The following PLXNA2 variants were observed in gnomAD, a reference collection of about 807,000 sequenced individuals.
The protein encoded by PLXNA2 is plexin-A2.
PLXNA2 carries 91 observed loss-of-function variants against 193.5 expected under a neutral mutation model. The observed-to-expected ratio is 0.47, with a 90% CI of 0.40 to 0.56. The LOEUF (loss-of-function observed/expected upper bound fraction) is 0.56, where lower values mean the gene tolerates loss of function less well. PLXNA2 is among the 20% of genes least tolerant of loss of function. The pLI is 0.00. For missense variants in PLXNA2, 1,995 were observed against 2,503.2 expected (o/e 0.80, Z 4.33); for synonymous variants, 997 against 1,027.3 (o/e 0.97, Z 0.56).
chr1:208,162,488 G>T (rs1669162228), intron 3 of PLXNA2, among the ~76,000 whole-genome samples: 1 of 152,192 alleles, frequency 6.6e-6, no homozygotes, highest in African/African-American at 2.4e-5. Context: ...GAGCCCTGAG[G>T]TCCTTTCTAG....
chr1:208,191,319 C>T (rs1243592547), intron 3 of PLXNA2, among the ~76,000 whole-genome samples: 2 of 152,202 alleles, frequency 1.3e-5, no homozygotes, highest in Admixed American at 1.3e-4. Context: ...TTTCTTCCCC[C>T]TCCCCACTTT....
intron 3 of PLXNA2, among the ~76,000 whole-genome samples, chr1:208,199,929 T>A (rs1401461664): frequency 3.3e-5 from 5 of 152,202 alleles, no homozygotes; most frequent in Admixed American, 3.3e-4. Context: ...AGCTACTAAA[T>A]CTATGATACA....
chr1:208,046,924 T>C (rs914671710), intron 17 of PLXNA2, among the ~76,000 whole-genome samples: 6 of 151,884 alleles, frequency 4.0e-5, no homozygotes, highest in African/African-American at 9.7e-5. Flanking sequence ...GATTGAATAC[T>C]GATGAAAAAT....
chr1:208,029,870 T>C (rs2102297389), intron 29 of PLXNA2: 1 of 985,752 alleles, frequency 1.0e-6, no homozygotes, highest in African/African-American at 1.7e-5. Context: ...TTTCCAGCTT[T>C]GCCTTCTCTT....
chr1:208,237,590 G>A (rs538762489), intron 1 of PLXNA2, among the ~76,000 whole-genome samples: 17 of 152,270 alleles, frequency 1.1e-4, no homozygotes, highest in South Asian at 4.2e-4. Context: ...GGGTAGGTAC[G>A]GGTAGCTGTG....
At chr1:208,040,368 T>C in intron 22 of PLXNA2, 1 of 373,240 alleles carries the variant, frequency 2.7e-6, no homozygotes, top group Non-Finnish European at 4.9e-6. Context: ...CACCTCACTA[T>C]CCCACAGGGC....
At position 208,103,168 on chromosome 1, in the gene PLXNA2, C is replaced by A; in HGVS notation, c.1586G>T (p.Gly529Val). Residue 529 changes from glycine to valine, a missense_variant, in exon 5 of 32, where the codon GGC (glycine) becomes GTC (valine). Coordinates refer to ENST00000367033, the MANE Select transcript of PLXNA2 (RefSeq NM_025179.4). ...ECLSSGDPHC[G>V]WCALHNMCSR... Reference sequence around the variant, plus strand: ...TTACATGTTGTGCAGGGCACACCAGCCACAGTGAGGGTCCCCAGAGCTCAG... The same window carrying A: ...TTACATGTTGTGCAGGGCACACCAGACACAGTGAGGGTCCCCAGAGCTCAG... The A allele has an allele frequency of 6.2e-7, 1 of 1,614,054 alleles. No individual in the cohort carries two copies. The highest frequency in any genetic ancestry group is 8.5e-7 in the Non-Finnish European group (1 of 1,179,920).
intron 4 of PLXNA2, among the ~76,000 whole-genome samples, chr1:208,108,894 A>T (rs932889031): frequency 1.3e-5 from 2 of 152,332 alleles, no homozygotes; most frequent in Admixed American, 6.5e-5. Flanking sequence ...TGTTCAAGCG[A>T]TCTGCAAGAT....
rs1198169707 is a variant in PLXNA2, at chr1:208,079,290, A to G, written c.2556T>C (p.Asn852=). Reference sequence around the variant, plus strand: ...TGATTTGAGGGTTGGAGCACTTGACATTGTGGCTGGACCAGTCGAGCCAGG... The same window carrying G: ...TGATTTGAGGGTTGGAGCACTTGACGTTGTGGCTGGACCAGTCGAGCCAGG... ...SSPWLDWSSH[N]VKCSNPQITE... The change falls in exon 12 of 32, where the codon AAT becomes AAC. Residue 852 remains asparagine, a synonymous_variant. Coordinates refer to ENST00000367033, the MANE Select transcript of PLXNA2 (RefSeq NM_025179.4). 1.2e-6 allele frequency: 2 copies of G among 1,611,340 alleles called. No homozygotes were observed. Among genetic ancestry groups the G allele is most frequent in the South Asian group, 1.1e-5 (1 of 91,026 alleles).
rs751044766 is a variant in PLXNA2, at chr1:208,217,143, G to A, written c.780C>T (p.Pro260=). ...GGFVYFLTVQ[P]ETPEGVAINS... ...TGATGGCCACACCCTCAGGGGTCTC[G>A]GGCTGGACAGTGAGAAAGTAGACAA... The change falls in exon 2 of 32, where the codon CCC becomes CCT. Residue 260 remains proline, a synonymous_variant. Transcript: ENST00000367033. The surrounding 1 kb of genome is among the most constrained non-coding windows in gnomAD (Gnocchi z 4.7). 63 of 1,614,064 alleles carry A rather than the reference G, an allele frequency of 3.9e-5. No individual in the cohort carries two copies. Among genetic ancestry groups the A allele is most frequent in the Non-Finnish European group, 4.9e-5 (58 of 1,180,034 alleles).
chr1:208,049,621 G>C (rs189249912), intron 17 of PLXNA2, among the ~76,000 whole-genome samples: 12 of 152,206 alleles, frequency 7.9e-5, no homozygotes, highest in Admixed American at 7.8e-4. Flanking sequence ...GAAGAGTCTG[G>C]ATGTTTGGGA....
In PLXNA2 at chr1:208,103,150, T is replaced by C. The variant is rs1667150507; in HGVS notation, c.1604A>G (p.Asn535Ser). 6.2e-7 allele frequency: 1 copy of C among 1,612,512 alleles called. No homozygotes were observed. The highest frequency in any genetic ancestry group is 1.3e-5 in the African/African-American group (1 of 75,026). ...DPHCGWCALH[N>S]MCSRRDKCQQ... ...TTCCAGTATACCCCAAACTTACATG[T>C]TGTGCAGGGCACACCAGCCACAGTG... is the stretch of plus-strand genomic sequence containing the variant. Residue 535 changes from asparagine to serine, a missense_variant, in exon 5 of 32, where the codon AAC becomes AGC. By Grantham distance (46) the Asn-to-Ser change is conservative. Around this residue, in one of 3 missense-constraint regions of PLXNA2, gnomAD observed 702 missense variants for 812.9 expected, o/e 0.86. Coordinates refer to ENST00000367033, the MANE Select transcript of PLXNA2 (RefSeq NM_025179.4).
intron 4 of PLXNA2, among the ~76,000 whole-genome samples, chr1:208,128,850 C>CCAGTAGCCA (rs941179868): frequency 2.3e-4 from 35 of 151,854 alleles, no homozygotes; most frequent in African/African-American, 8.0e-4. Context: ...TACAGGTGAC[C>CCAGTAGCCA]GCCACCATGC....
At chr1:208,204,165 A>T (rs1670641836) in intron 3 of PLXNA2, among the ~76,000 whole-genome samples, 1 of 152,210 alleles carries the variant, frequency 6.6e-6, no homozygotes, top group Non-Finnish European at 1.5e-5. Context: ...GAAAGAAGGT[A>T]GTGCCAGAAT....
At chr1:208,035,386 C>T (rs1664639138) in intron 26 of PLXNA2, among the ~76,000 whole-genome samples, 1 of 152,154 alleles carries the variant, frequency 6.6e-6, no homozygotes, top group Admixed American at 6.5e-5. Context: ...TGACCTGGGT[C>T]CTATAATGCC....
intron 3 of PLXNA2, among the ~76,000 whole-genome samples, chr1:208,169,362 G>T (rs1460760885): frequency 6.6e-6 from 1 of 152,248 alleles, no homozygotes; most frequent in Non-Finnish European, 1.5e-5. Context: ...CACATGATCA[G>T]CAAGTCTGGA....
At chr1:208,077,340 C>T (rs987818182) in intron 12 of PLXNA2, among the ~76,000 whole-genome samples, 9 of 152,180 alleles carry the variant, frequency 5.9e-5, no homozygotes, top group Non-Finnish European at 1.2e-4. Context: ...ATTAGCCTCG[C>T]GTAGCCTGGG....
intron 4 of PLXNA2, among the ~76,000 whole-genome samples, chr1:208,105,402 GAAGA>G (rs1235052930): frequency 6.6e-5 from 10 of 152,234 alleles, no homozygotes. Context: ...CCAAAGGCTG[GAAGA>G]AAGGATTTCT....
rs564772111 is a variant in PLXNA2, at chr1:208,023,280, C to T, written c.*3963G>A. 281 of 152,706 alleles carry T rather than the reference C, an allele frequency of 1.8e-3. 4 individuals carry two copies. The highest frequency in any genetic ancestry group is 1.2e-3 in the East Asian group (6 of 5,176). 9.5% of individuals were successfully genotyped at this position (152,706 alleles called of 1,614,324 possible). On this transcript the variant is annotated 3_prime_UTR_variant, in exon 32 of 32. Coordinates refer to ENST00000367033, the MANE Select transcript of PLXNA2 (RefSeq NM_025179.4). Reference sequence around the variant, plus strand: ...ACACAGCGTGGCTGGGAAAAAAAGACGGCCTCTCCTGGAGCAGCTGCTGGA... The same window carrying T: ...ACACAGCGTGGCTGGGAAAAAAAGATGGCCTCTCCTGGAGCAGCTGCTGGA...
Sources: allele counts gnomAD v4.1 joint callset (sites outside exome capture counted in the v4.1 genomes callset), GRCh38; gene constraint gnomAD v4.1.1; regional missense constraint gnomAD v4.1.1; non-coding constraint Gnocchi (gnomAD v3.1); transcripts MANE v1.5; gene names NCBI Gene and HGNC (gene_info 2026-07-23, HGNC 2026-07-21).